Variants in KLHL3 observed in about 807,000 individuals in gnomAD.
The protein encoded by KLHL3 is kelch like family member 3, also known as kelch-like protein 3.
KLHL3 carries 19 observed loss-of-function variants against 70.5 expected under a neutral mutation model. That is an observed-to-expected ratio of 0.27 (90% CI 0.19 to 0.40). The LOEUF (loss-of-function observed/expected upper bound fraction) is 0.40, where lower values mean the gene tolerates loss of function less well. KLHL3 is among the 10% of genes least tolerant of loss of function. The pLI is 1.00. For missense variants in KLHL3, 512 were observed against 771.1 expected (o/e 0.66, Z 3.98); for synonymous variants, 258 against 290.3 (o/e 0.89, Z 1.13).
rs550527540 is a variant in KLHL3, at chr5:137,650,493, C to T, written c.903+7638G>A. On this transcript the variant is annotated intron_variant, in intron 8 of 14. Coordinates refer to ENST00000309755, the MANE Select transcript of KLHL3 (RefSeq NM_017415.3). ...CCCAGTGCCTGGCAATTAGTGGTTT[C>T]TCTATGGAAGTATGTTGGATGAGTG... Among the ~76,000 whole-genome samples the T allele has an allele frequency of 9.9e-5, 15 of 152,268 alleles. No homozygotes were observed. In the South Asian group the frequency reaches 2.1e-3, roughly 21 times the overall value.
intron 12 of KLHL3, among the ~76,000 whole-genome samples, chr5:137,630,699 C>T (rs1205403578): frequency 1.3e-5 from 2 of 152,138 alleles, no homozygotes; most frequent in African/African-American, 4.8e-5. Context: ...CTACTACAAC[C>T]CTACAACCCA....
At chr5:137,698,474 G>A (rs1490962524) in intron 3 of KLHL3, 66 bp from the exon 4 acceptor site, 2 of 1,585,980 alleles carry the variant, frequency 1.3e-6, no homozygotes, top group East Asian at 4.5e-5. Context: ...CCTTCCAGAT[G>A]GTCTCCTGCC....
At chr5:137,681,093 T>A (rs1752014464) in intron 5 of KLHL3, among the ~76,000 whole-genome samples, 1 of 152,142 alleles carries the variant, frequency 6.6e-6, no homozygotes, top group Non-Finnish European at 1.5e-5. Context: ...AGAGAACAAA[T>A]TTAATTCTAT....
At position 137,663,414 on chromosome 5, in the gene KLHL3, C is replaced by A. The variant is rs187009737; in HGVS notation, c.637-1383G>T. 4.7e-4 allele frequency among the ~76,000 whole-genome samples: 72 copies of A among 151,914 alleles called. 3 individuals carry two copies. The East Asian group carries it at 0.014, about 29-fold the overall frequency. On this transcript the variant is annotated intron_variant, in intron 6 of 14. Transcript: ENST00000309755. Reference sequence around the variant, plus strand: ...ACCAACATCTGCCAATGCTCAAGTCCCTTATATAAAATGGCATAGTATTTG... The same window carrying A: ...ACCAACATCTGCCAATGCTCAAGTCACTTATATAAAATGGCATAGTATTTG...
chr5:137,640,861 C>T (rs186921906), intron 8 of KLHL3, among the ~76,000 whole-genome samples: 76 of 152,212 alleles, frequency 5.0e-4, no homozygotes, highest in Middle Eastern at 3.4e-3. Context: ...ATGACCAGCA[C>T]ATATATTTTT....
intron 4 of KLHL3, among the ~76,000 whole-genome samples, chr5:137,695,478 A>G (rs1021169153): frequency 1.8e-4 from 28 of 151,980 alleles, no homozygotes; most frequent in Non-Finnish European, 2.2e-4. Context: ...AAAGTGTGGG[A>G]AAAAAAAGTC....
intron 2 of KLHL3, among the ~76,000 whole-genome samples, chr5:137,718,312 C>T (rs1205273394): frequency 6.6e-6 from 1 of 152,094 alleles, no homozygotes; most frequent in African/African-American, 2.4e-5. Flanking sequence ...GTAATGAGAA[C>T]TCAGGATGTC....
At chr5:137,721,603 T>C (rs538073100) in intron 1 of KLHL3, among the ~76,000 whole-genome samples, 2 of 152,312 alleles carry the variant, frequency 1.3e-5, no homozygotes, top group South Asian at 2.1e-4. Context: ...ACTGAGTAAG[T>C]AGAAACTAGC....
intron 3 of KLHL3, among the ~76,000 whole-genome samples, chr5:137,709,136 A>G (rs1451339898): frequency 1.3e-5 from 2 of 152,254 alleles, no homozygotes; most frequent in Non-Finnish European, 2.9e-5. Flanking sequence ...GGGACCCTGG[A>G]AAGTTGGCAA....
intron 4 of KLHL3, 85 bp downstream of exon 4, chr5:137,698,202 G>C (rs1580770729): frequency 6.5e-7 from 1 of 1,536,474 alleles, no homozygotes; most frequent in Non-Finnish European, 8.9e-7. Flanking sequence ...CAACTGAATT[G>C]TTGTGAGGGT....
Position 137,640,735 on chromosome 5 carries a change from C to CA in KLHL3, c.904-759_904-758insT, listed in dbSNP as rs1554090796. On this transcript the variant is annotated intron_variant, in intron 8 of 14. Transcript: ENST00000309755. ...CCTGACAGAGGGTGAGGCCAGCCACCCCCCCCAACTCCTGCTCTAGAGACA... is the reference window on the plus strand; with the variant it reads ...CCTGACAGAGGGTGAGGCCAGCCACCACCCCCCAACTCCTGCTCTAGAGACA... Among the ~76,000 whole-genome samples, 100 of 151,798 alleles carry CA rather than the reference C, an allele frequency of 6.6e-4. No homozygotes were observed. The Middle Eastern group carries it at 0.024, about 36-fold the overall frequency.
At chr5:137,704,362 G>A (rs1033767784) in intron 3 of KLHL3, among the ~76,000 whole-genome samples, 8 of 151,948 alleles carry the variant, frequency 5.3e-5, no homozygotes, top group African/African-American at 1.4e-4. Flanking sequence ...TCCGCAGTCC[G>A]GCCTGGGCGA....
chr5:137,637,464 G>T, intron 10 of KLHL3, 69 bp from the exon 11 acceptor site: 1 of 1,358,550 alleles, frequency 7.4e-7, no homozygotes, highest in South Asian at 1.2e-5. Context: ...GAAGCAGTGA[G>T]GATGGGGGAG....
intron 8 of KLHL3, among the ~76,000 whole-genome samples, chr5:137,656,213 A>G (rs1272205342): frequency 6.6e-6 from 1 of 151,866 alleles, no homozygotes; most frequent in Non-Finnish European, 1.5e-5. Flanking sequence ...TACATTACAA[A>G]AAAAAAAGGA....
At chr5:137,663,136 C>T (rs1751527106) in intron 6 of KLHL3, among the ~76,000 whole-genome samples, 1 of 144,538 alleles carries the variant, frequency 6.9e-6, no homozygotes, top group Non-Finnish European at 1.5e-5. Context: ...TGGCTCACTG[C>T]AACCTCCACC....
At chr5:137,734,229 A>T (rs1397848123) in intron 1 of KLHL3, among the ~76,000 whole-genome samples, 1 of 152,172 alleles carries the variant, frequency 6.6e-6, no homozygotes, top group Non-Finnish European at 1.5e-5. Context: ...ATTCTCTGCC[A>T]CCTACCAGAT....
At chr5:137,629,335 T>C (rs1750570355) in intron 12 of KLHL3, 1 of 152,130 alleles carries the variant, frequency 6.6e-6, no homozygotes, top group Non-Finnish European at 1.5e-5. Context: ...TCCCTATTTG[T>C]AAAGGGAAAG....
In KLHL3 at chr5:137,620,257, T is replaced by C. The variant is rs1488772280; in HGVS notation, c.*1841A>G. ...GGTACCTTGTTGTTCTCCAAGCATC[T>C]TGTTGAAGTAACATGTGCTTAACAT... On this transcript the variant is annotated 3_prime_UTR_variant, in exon 15 of 15. Coordinates refer to ENST00000309755, the MANE Select transcript of KLHL3 (RefSeq NM_017415.3). The C allele has an allele frequency of 6.6e-6, 1 of 152,362 alleles. No individual in the cohort carries two copies. The highest frequency in any genetic ancestry group is 1.9e-4 in the East Asian group (1 of 5,192). 9.4% of individuals were successfully genotyped at this position (152,362 alleles called of 1,614,324 possible).
intron 3 of KLHL3, among the ~76,000 whole-genome samples, chr5:137,698,887 T>C (rs984283341): frequency 6.6e-6 from 1 of 152,230 alleles, no homozygotes; most frequent in Non-Finnish European, 1.5e-5. Flanking sequence ...GAGCTAACTA[T>C]GGCCACACAC....
Sources: gnomAD v4.1 joint callset for allele counts (sites outside exome capture counted in the v4.1 genomes callset) on GRCh38, gnomAD v4.1.1 for gene constraint, MANE v1.5 for transcripts, NCBI Gene and HGNC (gene_info 2026-07-23, HGNC 2026-07-21) for gene names.